The following ZNF670 variants were observed in gnomAD, a reference collection of about 807,000 sequenced individuals.
ZNF670 encodes the protein zinc finger protein 670.
In ZNF670, 7 loss-of-function variants were observed where a neutral mutation model predicts 10.9. The ratio of observed to expected loss-of-function variants is 0.64; its 90% CI spans 0.36 to 1.20. ZNF670 has a LOEUF of 1.20. Among genes scored for constraint, ZNF670 ranks in the 50% most tolerant of loss-of-function variants. ZNF670 has a pLI of 0.02. For synonymous variants in ZNF670, 136 were observed against 152.7 expected, an observed-to-expected ratio of 0.89 and a Z score of 0.81; for missense variants, 446 against 458.6, an observed-to-expected ratio of 0.97 and a Z score of 0.25.
In ZNF670 at chr1:247,036,499, T is replaced by C. The variant is rs979467612; in HGVS notation, c.*950A>G. Among the ~76,000 whole-genome samples, 1 of 152,042 alleles carries C rather than the reference T, an allele frequency of 6.6e-6. No homozygotes were observed. The highest frequency in any genetic ancestry group is 6.6e-5 in the Admixed American group (1 of 15,256). On this transcript the variant is annotated 3_prime_UTR_variant, in exon 4 of 4. Transcript: ENST00000366503. Reference sequence around the variant, plus strand: ...GAGATCCCATCTCTATAAAAAATTTTTAAAATTATATAATTAGCTGAGCAT... The same window carrying C: ...GAGATCCCATCTCTATAAAAAATTTCTAAAATTATATAATTAGCTGAGCAT...
chr1:247,059,212 C>T (rs984281737), intron 1 of ZNF670, among the ~76,000 whole-genome samples: 10 of 151,838 alleles, frequency 6.6e-5, no homozygotes, highest in African/African-American at 1.2e-4. Flanking sequence ...GAGGCCGAGG[C>T]GGGCGGATCA....
chr1:247,053,457 C>A (rs1179152879), intron 1 of ZNF670, among the ~76,000 whole-genome samples: 3 of 152,090 alleles, frequency 2.0e-5, no homozygotes, highest in Non-Finnish European at 2.9e-5. Context: ...CATGGTGAAA[C>A]CCCATCTTTA....
At chr1:247,039,060 CTT>C (rs3078762) in intron 2 of ZNF670, among the ~76,000 whole-genome samples, 190 bp from the exon 3 acceptor site, 14 of 125,608 alleles carry the variant, frequency 1.1e-4, no homozygotes, top group East Asian at 2.1e-4. Flanking sequence ...TTCTTTCTTT[CTT>C]TTTTTTTTTT....
intron 1 of ZNF670, among the ~76,000 whole-genome samples, chr1:247,057,065 T>C (rs1049123668): frequency 6.6e-6 from 1 of 152,024 alleles, no homozygotes; most frequent in Non-Finnish European, 1.5e-5. Context: ...AAAGACAACA[T>C]ACAGAATGCA....
chr1:247,078,366 A>G (rs6701757), intron 1 of ZNF670, among the ~76,000 whole-genome samples: 97,956 of 152,124 alleles, frequency 0.64, 33,728 homozygotes, highest in African/African-American at 0.9. Flanking sequence ...GGGTCTACAG[A>G]GGCAGAGCTG....
At chr1:247,047,899 A>AT (rs556198801) in intron 1 of ZNF670, among the ~76,000 whole-genome samples, 2 of 151,856 alleles carry the variant, frequency 1.3e-5, no homozygotes, top group Admixed American at 6.6e-5. Context: ...TCATGAAACC[A>AT]TTTTTTTCTC....
chr1:247,074,819 G>A (rs1166062426), intron 1 of ZNF670, among the ~76,000 whole-genome samples: 1 of 152,110 alleles, frequency 6.6e-6, no homozygotes, highest in Non-Finnish European at 1.5e-5. Flanking sequence ...ACCTCCTGCT[G>A]CATGGCCTGG....
chr1:247,059,575 T>C (rs902560622), intron 1 of ZNF670, among the ~76,000 whole-genome samples: 24 of 152,228 alleles, frequency 1.6e-4, no homozygotes, highest in African/African-American at 3.9e-4. Context: ...CAAAAACCAA[T>C]TGACTTTATC....
rs148249187 is a variant in ZNF670, at chr1:247,070,515, G to A, written c.3+8079C>T. Among the ~76,000 whole-genome samples, 94 of 152,210 alleles carry A rather than the reference G, an allele frequency of 6.2e-4. 1 individual carries two copies. The East Asian group carries it at 0.017, about 27-fold the overall frequency. On this transcript the variant is annotated intron_variant, in intron 1 of 3. Coordinates refer to ENST00000366503, the MANE Select transcript of ZNF670 (RefSeq NM_033213.5). The stretch of plus-strand genomic sequence containing the variant: ...ACAAAAAGACTTAAATGTAAAACCT[G>A]TAAGTATAAAAACCCTAGAGGAAAA...
At chr1:247,048,254 T>C (rs574917020) in intron 1 of ZNF670, among the ~76,000 whole-genome samples, 36 of 152,200 alleles carry the variant, frequency 2.4e-4, no homozygotes, top group African/African-American at 8.4e-4. Flanking sequence ...CCCTAAATCA[T>C]CTCTCTCAAT....
At chr1:247,063,716 T>C (rs923555734) in intron 1 of ZNF670, among the ~76,000 whole-genome samples, 1 of 151,520 alleles carries the variant, frequency 6.6e-6, no homozygotes, top group Admixed American at 6.6e-5. Context: ...GGAAAACAGG[T>C]GACACCTGGG....
rs2103077106 is a variant in ZNF670 at position 247,078,657 on chromosome 1, A to G, written c.-61T>C. 1 of 1,593,144 alleles carries G rather than the reference A, an allele frequency of 6.3e-7. No homozygotes were observed. Among genetic ancestry groups the G allele is most frequent in the Non-Finnish European group, 8.6e-7 (1 of 1,164,298 alleles). ...ACCTTCCGGGACCTGCAGGTCCCAG[A>G]GCAACAGAAGCTGCCGCGGGACCAC... On this transcript the variant is annotated 5_prime_UTR_variant, in exon 1 of 4. Transcript: ENST00000366503.
At position 247,066,103 on chromosome 1, in the gene ZNF670, T is replaced by C. The variant is rs1245725666; in HGVS notation, c.3+12491A>G. Among the ~76,000 whole-genome samples, 4 of 152,314 alleles carry C rather than the reference T, an allele frequency of 2.6e-5. No individual in the cohort carries two copies. In the South Asian group the frequency reaches 6.2e-4, roughly 24 times the overall value. ...TCACAAAAAAAGAGGAGAGTCAAGA[T>C]GGTCAACCAGACACAGTCAGGACGA... On this transcript the variant is annotated intron_variant, in intron 1 of 3. Transcript: ENST00000366503.
At chr1:247,064,165 A>G (rs559025507) in intron 1 of ZNF670, among the ~76,000 whole-genome samples, 1 of 152,198 alleles carries the variant, frequency 6.6e-6, no homozygotes, top group Non-Finnish European at 1.5e-5. Flanking sequence ...GTGTCCCTGC[A>G]TCTTTTCTAG....
chr1:247,069,129 A>T (rs1671059687), intron 1 of ZNF670, among the ~76,000 whole-genome samples: 1 of 151,034 alleles, frequency 6.6e-6, no homozygotes, highest in African/African-American at 2.5e-5. Flanking sequence ...TTGATAGCAC[A>T]AGGTGTCTAC....
intron 1 of ZNF670, among the ~76,000 whole-genome samples, chr1:247,063,677 C>T (rs1254001607): frequency 6.7e-6 from 1 of 150,160 alleles, no homozygotes; most frequent in South Asian, 2.1e-4. Flanking sequence ...ATTTGAGACT[C>T]TGTTTTTCAT....
At chr1:247,055,944 G>A (rs1040236851) in intron 1 of ZNF670, among the ~76,000 whole-genome samples, 1 of 152,066 alleles carries the variant, frequency 6.6e-6, no homozygotes, top group African/African-American at 2.4e-5. Flanking sequence ...TGTATGTGCT[G>A]ATATCCAATT....
Position 247,073,828 on chromosome 1 carries a change from A to T in ZNF670, c.3+4766T>A, listed in dbSNP as rs145620008. Among the ~76,000 whole-genome samples, 25 of 152,330 alleles carry T rather than the reference A, an allele frequency of 1.6e-4. No individual in the cohort carries two copies. In the South Asian group the frequency reaches 5.0e-3, roughly 30 times the overall value. On this transcript the variant is annotated intron_variant, in intron 1 of 3. Coordinates refer to ENST00000366503, the MANE Select transcript of ZNF670 (RefSeq NM_033213.5). ...CATCTATCCTTCTGACCAATTGCTC[A>T]TAAGTCAGAGGTTCCCATCACCCCT...
In ZNF670 at chr1:247,037,784, T is replaced by C. The variant is rs1438741091; in HGVS notation, c.835A>G (p.Lys279Glu). 6.2e-7 allele frequency: 1 copy of C among 1,613,918 alleles called. No homozygotes were observed. The change falls in exon 4 of 4, where the codon AAA becomes GAA. Residue 279 changes from lysine to glutamate, a missense_variant. By Grantham distance (56) the Lys-to-Glu change is moderately conservative. Transcript: ENST00000366503. ...CCACATTTTATACATTCATAGGGTTTTTCTCCAGTATGCGTTCTTTCATGT... is the reference window on the plus strand; with the variant it reads ...CCACATTTTATACATTCATAGGGTTCTTCTCCAGTATGCGTTCTTTCATGT... ...GIHERTHTGEKPYECIKCGKA... is the reference protein window; with the variant it reads ...GIHERTHTGEEPYECIKCGKA...
Sources: allele counts gnomAD v4.1 joint callset (sites outside exome capture counted in the v4.1 genomes callset), GRCh38; gene constraint gnomAD v4.1.1; transcripts MANE v1.5; gene names NCBI Gene and HGNC (gene_info 2026-07-23, HGNC 2026-07-21).